SH3GL2: variants seen among roughly 807,000 people sequenced by gnomAD.
SH3GL2 encodes the protein endophilin-A1.
Under a neutral mutation model 46.0 loss-of-function variants are expected in SH3GL2, and 24 were observed. The ratio of observed to expected loss-of-function variants is 0.52; its 90% CI spans 0.38 to 0.73. The LOEUF is 0.73. Among genes scored for constraint, SH3GL2 ranks in the 30% least tolerant of loss-of-function variants. The pLI, the probability that SH3GL2 is intolerant of heterozygous loss-of-function variation, is 0.00. For missense variants in SH3GL2, 413 were observed against 424.2 expected, an observed-to-expected ratio of 0.97 and a Z score of 0.23; for synonymous variants, 196 against 147.1, an observed-to-expected ratio of 1.33 and a Z score of -2.40.
chr9:17,756,493 A>C (rs1822992633), intron 2 of SH3GL2, among the ~76,000 whole-genome samples: 1 of 104,582 alleles, frequency 9.6e-6, no homozygotes, highest in African/African-American at 3.8e-5. Context: ...ACCCCACGGC[A>C]GGCCCCCATG....
chr9:17,666,578 G>GTGTGTGTA (rs144961549), intron 1 of SH3GL2, among the ~76,000 whole-genome samples: 39 of 148,236 alleles, frequency 2.6e-4, no homozygotes, highest in South Asian at 2.4e-3. Flanking sequence ...GTGTGTGTGT[G>GTGTGTGTA]TATATACATT....
chr9:17,795,503 T>C (rs1397595619), intron 8 of SH3GL2, 41 bp from the exon 9 acceptor site: 1 of 1,541,946 alleles, frequency 6.5e-7, no homozygotes, highest in Admixed American at 1.7e-5. Flanking sequence ...ATACCCCTTA[T>C]CCTTTTGTGT....
At chr9:17,656,770 C>CAAAAAAA (rs36079244) in intron 1 of SH3GL2, among the ~76,000 whole-genome samples, 6 of 101,546 alleles carry the variant, frequency 5.9e-5, no homozygotes, top group East Asian at 3.5e-4. Flanking sequence ...GACTACATCT[C>CAAAAAAA]AAAAAAAAAA....
chr9:17,647,342 A>G (rs904947260), intron 1 of SH3GL2, among the ~76,000 whole-genome samples: 2 of 152,222 alleles, frequency 1.3e-5, no homozygotes, highest in East Asian at 3.9e-4. Context: ...GTCAGATGCT[A>G]TGCTAAATGC....
intron 1 of SH3GL2, among the ~76,000 whole-genome samples, chr9:17,714,027 T>C (rs1039387024): frequency 5.4e-4 from 82 of 151,790 alleles, no homozygotes; most frequent in African/African-American, 2.0e-3. Context: ...TGTATTTCTG[T>C]GTTTTTGCTT....
intron 1 of SH3GL2, among the ~76,000 whole-genome samples, chr9:17,595,522 C>T (rs1022843690): frequency 6.6e-6 from 1 of 152,150 alleles, no homozygotes; most frequent in African/African-American, 2.4e-5. Flanking sequence ...CAGTAGTTCT[C>T]TTCCCTGTAA....
At chr9:17,596,519 G>A (rs1376131519) in intron 1 of SH3GL2, among the ~76,000 whole-genome samples, 1 of 152,242 alleles carries the variant, frequency 6.6e-6, no homozygotes, top group African/African-American at 2.4e-5. Flanking sequence ...TAGGCCACGA[G>A]TCTCCTGGGC....
chr9:17,663,577 T>G (rs1260925302), intron 1 of SH3GL2, among the ~76,000 whole-genome samples: 2 of 152,226 alleles, frequency 1.3e-5, no homozygotes, highest in African/African-American at 4.8e-5. Context: ...AATACGGATT[T>G]ATTGTTGTTC....
intron 1 of SH3GL2, among the ~76,000 whole-genome samples, chr9:17,727,817 C>T (rs1822061682): frequency 6.6e-6 from 1 of 152,128 alleles, no homozygotes; most frequent in Non-Finnish European, 1.5e-5. Flanking sequence ...TACTGACCTT[C>T]CCTTTCCCTG....
At chr9:17,587,606 G>A (rs1563772662) in intron 1 of SH3GL2, among the ~76,000 whole-genome samples, 1 of 152,126 alleles carries the variant, frequency 6.6e-6, no homozygotes, top group African/African-American at 2.4e-5. Flanking sequence ...GGCCAAGTGC[G>A]GTAGCTCATG....
chr9:17,707,462 A>G (rs1417356552), intron 1 of SH3GL2, among the ~76,000 whole-genome samples: 1 of 152,050 alleles, frequency 6.6e-6, no homozygotes, highest in Non-Finnish European at 1.5e-5. Context: ...GAGACAGAAC[A>G]TTGGTAAGCC....
chr9:17,606,895 A>G (rs1818769730), intron 1 of SH3GL2, among the ~76,000 whole-genome samples: 1 of 152,230 alleles, frequency 6.6e-6, no homozygotes, highest in African/African-American at 2.4e-5. Flanking sequence ...ATAGACGGTC[A>G]GCAGTAGAAA....
chr9:17,662,798 C>T (rs931981615), intron 1 of SH3GL2, among the ~76,000 whole-genome samples: 2 of 150,466 alleles, frequency 1.3e-5, no homozygotes, highest in Admixed American at 6.7e-5. Flanking sequence ...CAACCTCTGC[C>T]TGCCGGGTTC....
At chr9:17,774,970 G>A (rs1823600429) in intron 3 of SH3GL2, among the ~76,000 whole-genome samples, 1 of 152,112 alleles carries the variant, frequency 6.6e-6, no homozygotes, top group African/African-American at 2.4e-5. Flanking sequence ...CTAATGATAG[G>A]TCTGTTCAGA....
At chr9:17,754,725 A>C (rs1678864484) in intron 2 of SH3GL2, among the ~76,000 whole-genome samples, 1 of 152,090 alleles carries the variant, frequency 6.6e-6, no homozygotes, top group Non-Finnish European at 1.5e-5. Flanking sequence ...CTGTATTCCT[A>C]GGTATTTTAT....
intron 1 of SH3GL2, among the ~76,000 whole-genome samples, chr9:17,602,275 G>T (rs1818685189): frequency 6.6e-6 from 1 of 152,162 alleles, no homozygotes; most frequent in Admixed American, 6.5e-5. Context: ...TGGGGCTGCT[G>T]GGCTGTATTG....
At chr9:17,583,579 C>T (rs1046001118) in intron 1 of SH3GL2, among the ~76,000 whole-genome samples, 1 of 152,246 alleles carries the variant, frequency 6.6e-6, no homozygotes, top group South Asian at 2.1e-4. Flanking sequence ...TAAATTACCC[C>T]GTCTAAGATA....
Position 17,579,260 on chromosome 9 carries a change from C to T in SH3GL2, c.18C>T (p.Leu6=), listed in dbSNP as rs1380095698. MSVAG[L]KKQFHKATQK... is the part of the protein sequence containing the mutation. ...CCTGCACCATGTCGGTGGCCGGCCT[C>T]AAGAAGCAGTTCCATAAAGCCACTC... is the stretch of plus-strand genomic sequence containing the variant. The change falls in exon 1 of 9, where the codon CTC becomes CTT. Residue 6 remains leucine, a synonymous_variant. Coordinates refer to ENST00000380607, the MANE Select transcript of SH3GL2 (RefSeq NM_003026.5). The T allele has an allele frequency of 1.3e-6, 2 of 1,567,558 alleles. No individual in the cohort carries two copies. The highest frequency in any genetic ancestry group is 1.7e-6 in the Non-Finnish European group (2 of 1,158,238).
At chr9:17,594,092 GTTC>G (rs745955026) in intron 1 of SH3GL2, among the ~76,000 whole-genome samples, 7 of 152,246 alleles carry the variant, frequency 4.6e-5, no homozygotes, top group Non-Finnish European at 7.4e-5. Flanking sequence ...ATCTAGCATT[GTTC>G]TTCTTCTTAA....
Sources: gnomAD v4.1 joint callset for allele counts (sites outside exome capture counted in the v4.1 genomes callset) on GRCh38, gnomAD v4.1.1 for gene constraint, MANE v1.5 for transcripts, NCBI Gene and HGNC (gene_info 2026-07-23, HGNC 2026-07-21) for gene names.